The following SFMBT2 variants were observed in gnomAD, a reference collection of about 807,000 sequenced individuals.
SFMBT2 encodes the protein scm-like with four MBT domains protein 2.
Under a neutral mutation model 110.1 loss-of-function variants are expected in SFMBT2, and 38 were observed. The ratio of observed to expected loss-of-function variants is 0.35; its 90% CI spans 0.27 to 0.45. The LOEUF is 0.45. SFMBT2 is among the 20% of genes least tolerant of loss of function. The pLI, the probability that SFMBT2 is intolerant of heterozygous loss-of-function variation, is 1.00. For synonymous variants in SFMBT2, 425 were observed against 425.4 expected (o/e 1.00, Z 0.01); for missense variants, 1,011 against 1,094.9 (o/e 0.92, Z 1.08).
intron 9 of SFMBT2, 151 bp downstream of exon 9, chr10:7,243,407 C>A: frequency 3.2e-6 from 2 of 630,642 alleles, no homozygotes; most frequent in Non-Finnish European, 2.8e-6. Context: ...GTAACTGACA[C>A]CTATGTCAAG....
rs1490513515 is a variant in SFMBT2, at chr10:7,293,696, CTCTT to C, written c.437-7746_437-7743del. Among the ~76,000 whole-genome samples, 2 of 152,162 alleles carry C rather than the reference CTCTT, an allele frequency of 1.3e-5. No homozygotes were observed. The highest frequency in any genetic ancestry group is 2.9e-5 in the Non-Finnish European group (2 of 68,026). Reference sequence around the variant, plus strand: ...GTGCAAGCACAGTCAAAGTTCCTCTCTCTTTCTCTTTCTCTCTCTCTCTTTCTCT... The same window carrying C: ...GTGCAAGCACAGTCAAAGTTCCTCTCTCTCTTTCTCTCTCTCTCTTTCTCT... On this transcript the variant is annotated intron_variant, in intron 4 of 20. Coordinates refer to ENST00000397167, the MANE Select transcript of SFMBT2 (RefSeq NM_001387889.1). This position sits in a 1 kb window ranked among gnomAD's most constrained non-coding sequence, Gnocchi z 4.6.
intron 20 of SFMBT2, chr10:7,164,230 T>A: frequency 6.7e-6 from 5 of 741,484 alleles, no homozygotes; most frequent in Non-Finnish European, 8.2e-6. Flanking sequence ...CTACAAAAAA[T>A]TTAAAAATTA....
At chr10:7,340,596 T>C (rs1271794091) in intron 4 of SFMBT2, among the ~76,000 whole-genome samples, 1 of 141,962 alleles carries the variant, frequency 7.0e-6, no homozygotes, top group Non-Finnish European at 1.5e-5. Context: ...GAGGCTGCAG[T>C]GAGCCATGAT....
At chr10:7,322,770 T>C (rs1240603374) in intron 4 of SFMBT2, among the ~76,000 whole-genome samples, 1 of 151,922 alleles carries the variant, frequency 6.6e-6, no homozygotes, top group Non-Finnish European at 1.5e-5. Context: ...TCACAGAAAA[T>C]GGATGAAAAC....
intron 11 of SFMBT2, among the ~76,000 whole-genome samples, chr10:7,214,152 C>T (rs1208801177): frequency 6.6e-6 from 1 of 152,098 alleles, no homozygotes; most frequent in Non-Finnish European, 1.5e-5. Flanking sequence ...GAGTAAAAAG[C>T]AAGAAACAAC....
chr10:7,359,727 C>T (rs1564457437), intron 4 of SFMBT2, among the ~76,000 whole-genome samples: 1 of 152,104 alleles, frequency 6.6e-6, no homozygotes, highest in South Asian at 2.1e-4. Flanking sequence ...CACTTATTTG[C>T]CGCCAAAAAA....
At position 7,162,846 on chromosome 10, in the gene SFMBT2, T is replaced by C. The variant is rs1837583949; in HGVS notation, c.*924A>G. 6.6e-6 allele frequency: 1 copy of C among 152,460 alleles called. No homozygotes were observed. Among genetic ancestry groups the C allele is most frequent in the Non-Finnish European group, 1.5e-5 (1 of 68,294 alleles). 9.4% of individuals were successfully genotyped at this position (152,460 alleles called of 1,614,324 possible). On this transcript the variant is annotated 3_prime_UTR_variant, in exon 21 of 21. Transcript: ENST00000397167. Reference sequence around the variant, plus strand: ...GCCGGGGCGTAGTGGCTCACACCTGTAATCCCAGCACGTTGGGAGGCCGAG... The same window carrying C: ...GCCGGGGCGTAGTGGCTCACACCTGCAATCCCAGCACGTTGGGAGGCCGAG...
Position 7,367,988 on chromosome 10 carries a change from T to C in SFMBT2, c.196-99A>G, listed in dbSNP as rs561395425. ...TAAAAAATATGGCACTTACAAACAA[T>C]ATTCCTGTTGCTCTAAAACAGGCAT... On this transcript the variant is annotated intron_variant, in intron 3 of 20. Transcript: ENST00000397167. This position sits in a 1 kb window ranked among gnomAD's most constrained non-coding sequence, Gnocchi z 6.2. 11 of 1,473,658 alleles carry C rather than the reference T, an allele frequency of 7.5e-6. No homozygotes were observed. Among genetic ancestry groups the C allele is most frequent in the Non-Finnish European group, 1.0e-5 (11 of 1,099,360 alleles). The allele number at this position is 1,473,658 out of a possible 1,614,324, so 91.3% of individuals were successfully genotyped here. A position where few individuals can be genotyped will look rare whatever the true frequency, so the allele number is the denominator to read the frequency against.
rs1838049735 is a variant in SFMBT2 at position 7,176,173 on chromosome 10, A to G, written c.1809-8T>C. The G allele has an allele frequency of 6.2e-7, 1 of 1,613,940 alleles. No individual in the cohort carries two copies. The highest frequency in any genetic ancestry group is 1.3e-5 in the African/African-American group (1 of 74,928). On this transcript the variant is annotated splice_polypyrimidine_tract_variant and splice_region_variant and intron_variant, in intron 16 of 20. Coordinates refer to ENST00000397167, the MANE Select transcript of SFMBT2 (RefSeq NM_001387889.1). ...TATGTTTTGCCTCTGTATCTAGAAA[A>G]TAGGTGGGGAAGAAAAGCGAGGGCA... is the stretch of plus-strand genomic sequence containing the variant.
chr10:7,231,567 C>A (rs1840111757), intron 9 of SFMBT2, among the ~76,000 whole-genome samples: 1 of 152,198 alleles, frequency 6.6e-6, no homozygotes, highest in South Asian at 2.1e-4. Flanking sequence ...CTCGTGTTTT[C>A]TTGGACGTAC....
At position 7,197,698 on chromosome 10, in the gene SFMBT2, C is replaced by A. The variant is rs1411652697; in HGVS notation, c.1559-11G>T. 5.0e-6 allele frequency: 8 copies of A among 1,613,094 alleles called. No individual in the cohort carries two copies. The highest frequency in any genetic ancestry group is 6.8e-6 in the Non-Finnish European group (8 of 1,179,698). On this transcript the variant is annotated splice_polypyrimidine_tract_variant and intron_variant, in intron 14 of 20. Coordinates refer to ENST00000397167, the MANE Select transcript of SFMBT2 (RefSeq NM_001387889.1). ...TCCCGTTGACGGTTCCTGCAGGGGACAGCAACATAGTCCATGCTTAGGACC... is the reference window on the plus strand; with the variant it reads ...TCCCGTTGACGGTTCCTGCAGGGGAAAGCAACATAGTCCATGCTTAGGACC...
In SFMBT2 at chr10:7,390,257, G is replaced by A. The variant is rs114144001; in HGVS notation, c.-51-8308C>T. ...CAGCAAGCCACTGCACTGGAGAGCC[G>A]TATTTGAGGGCTTGGAACATGTCCT... On this transcript the variant is annotated intron_variant, in intron 1 of 20. Transcript: ENST00000397167. Among the ~76,000 whole-genome samples the A allele has an allele frequency of 6.8e-3, 1,036 of 152,246 alleles. 15 individuals carry two copies. Among genetic ancestry groups the A allele is most frequent in the African/African-American group, 0.023 (964 of 41,548 alleles).
chr10:7,198,982 T>G (rs1429019722), intron 14 of SFMBT2, among the ~76,000 whole-genome samples: 1 of 152,022 alleles, frequency 6.6e-6, no homozygotes, highest in African/African-American at 2.4e-5. Context: ...AAGTTTTTTG[T>G]TTTGTTTTGT....
intron 9 of SFMBT2, among the ~76,000 whole-genome samples, chr10:7,229,711 ATTTTTTGTTGTTGTTG>A (rs950671522): frequency 5.7e-5 from 8 of 141,016 alleles, no homozygotes; most frequent in African/African-American, 2.1e-4. Context: ...AATATATCCT[ATTTTTTGTTGTTGTTG>A]TTTTTTTTTT....
At chr10:7,299,114 T>C (rs182163210) in intron 4 of SFMBT2, among the ~76,000 whole-genome samples, 2 of 152,234 alleles carry the variant, frequency 1.3e-5, no homozygotes. Context: ...ATGACACTTA[T>C]TCTAAAACCA....
intron 11 of SFMBT2, chr10:7,206,597 A>C: frequency 2.0e-6 from 2 of 984,898 alleles, no homozygotes; most frequent in Non-Finnish European, 2.4e-6. Flanking sequence ...GCAATGTCTA[A>C]AAGATCCCAC....
chr10:7,299,787 AAAGGAATATAAATCATTCTACT>A (rs1036556831), intron 4 of SFMBT2, among the ~76,000 whole-genome samples: 6 of 152,262 alleles, frequency 3.9e-5, no homozygotes, highest in East Asian at 1.9e-4. Context: ...TTATATACCC[AAAGGAATATAAATCATTCTACT>A]AAGGAATATA....
chr10:7,232,063 C>T (rs2762578), intron 9 of SFMBT2, among the ~76,000 whole-genome samples: 1 of 152,128 alleles, frequency 6.6e-6, no homozygotes, highest in Admixed American at 6.5e-5. Context: ...AATAAAACCC[C>T]TTAGGCAATT....
chr10:7,381,651 C>G (rs1157350419), intron 2 of SFMBT2, 148 bp downstream of exon 2: 1 of 804,784 alleles, frequency 1.2e-6, no homozygotes, highest in Non-Finnish European at 1.9e-6. Context: ...TTTAGAGCGG[C>G]CATATCCTTA....
Sources: allele counts gnomAD v4.1 joint callset (sites outside exome capture counted in the v4.1 genomes callset), GRCh38; gene constraint gnomAD v4.1.1; non-coding constraint Gnocchi (gnomAD v3.1); transcripts MANE v1.5; gene names NCBI Gene and HGNC (gene_info 2026-07-23, HGNC 2026-07-21).